Variants in TBC1D12 observed in about 807,000 individuals in gnomAD.
TBC1D12 encodes the protein TBC1 domain family, member 12.
TBC1D12 carries 56 observed loss-of-function variants against 86.7 expected under a neutral mutation model. The observed-to-expected ratio is 0.65, with a 90% CI of 0.52 to 0.81. The LOEUF (loss-of-function observed/expected upper bound fraction) is 0.81, where lower values mean the gene tolerates loss of function less well. Among genes scored for constraint, TBC1D12 ranks in the 30% least tolerant of loss-of-function variants. TBC1D12 has a pLI of 0.00. For missense variants in TBC1D12, 1,023 were observed against 1,038.8 expected (o/e 0.98, Z 0.21); for synonymous variants, 421 against 411.7 (o/e 1.02, Z -0.27).
intron 2 of TBC1D12, among the ~76,000 whole-genome samples, chr10:94,453,359 AT>A (rs1226324911): frequency 6.6e-6 from 1 of 152,148 alleles, no homozygotes; most frequent in Non-Finnish European, 1.5e-5. Flanking sequence ...TAAAATAAAA[AT>A]AAAAAATAAA....
At chr10:94,501,301 TAGTC>T (rs1161508444) in intron 6 of TBC1D12, 2 of 149,618 alleles carry the variant, frequency 1.3e-5, no homozygotes, top group South Asian at 2.1e-4. Context: ...TACGAAAAAT[TAGTC>T]AGACGTGGCA....
At chr10:94,470,796 A>G (rs191893913) in intron 2 of TBC1D12, among the ~76,000 whole-genome samples, 235 of 146,632 alleles carry the variant, frequency 1.6e-3, no homozygotes, top group Middle Eastern at 0.011. Context: ...TTCAGCAAAT[A>G]TTTAAGTTAT....
At chr10:94,439,105 C>T (rs1483316590) in intron 1 of TBC1D12, among the ~76,000 whole-genome samples, 1 of 152,090 alleles carries the variant, frequency 6.6e-6, no homozygotes, top group Non-Finnish European at 1.5e-5. Context: ...TGCCCCGCTC[C>T]AGTTACTCTT....
intron 4 of TBC1D12, among the ~76,000 whole-genome samples, chr10:94,494,701 G>A (rs558604046): frequency 1.8e-4 from 28 of 151,502 alleles, no homozygotes; most frequent in African/African-American, 5.8e-4. Flanking sequence ...GCACCACCAC[G>A]CCCAGTTAAT....
At chr10:94,414,821 A>G (rs1170341546) in intron 1 of TBC1D12, among the ~76,000 whole-genome samples, 2 of 152,120 alleles carry the variant, frequency 1.3e-5, no homozygotes, top group African/African-American at 4.8e-5. Context: ...GGCGGTCTCG[A>G]ACTCCTGACC....
intron 1 of TBC1D12, among the ~76,000 whole-genome samples, chr10:94,427,751 G>C (rs111684543): frequency 0.031 from 4,368 of 141,400 alleles, 106 homozygotes; most frequent in Middle Eastern, 0.16. Context: ...AGAATTGCTT[G>C]TACCTGGGAG....
intron 1 of TBC1D12, among the ~76,000 whole-genome samples, chr10:94,440,583 A>G (rs1440142877): frequency 5.9e-5 from 9 of 152,238 alleles, no homozygotes; most frequent in Non-Finnish European, 1.2e-4. Context: ...TTTAAGATAT[A>G]TTGATACGGC....
At chr10:94,480,917 T>G (rs2056068712) in intron 3 of TBC1D12, among the ~76,000 whole-genome samples, 1 of 151,704 alleles carries the variant, frequency 6.6e-6, no homozygotes, top group Non-Finnish European at 1.5e-5. Context: ...TACTTCTTGA[T>G]CCACAGGTTG....
intron 1 of TBC1D12, among the ~76,000 whole-genome samples, chr10:94,422,335 G>C (rs943281906): frequency 6.6e-6 from 1 of 151,532 alleles, no homozygotes; most frequent in Non-Finnish European, 1.5e-5. Flanking sequence ...GACTACAGGT[G>C]TGTGCCACCA....
intron 1 of TBC1D12, among the ~76,000 whole-genome samples, chr10:94,432,992 G>A (rs1396571640): frequency 1.3e-5 from 2 of 152,098 alleles, no homozygotes; most frequent in South Asian, 4.2e-4. Context: ...ATCACCTGAG[G>A]TCAGGAGTTC....
At position 94,520,724 on chromosome 10, in the gene TBC1D12, A is replaced by G. The variant is rs188806268; in HGVS notation, c.1762-1231A>G. ...ACCCAGTCTGGAGTGCAGTGGCGCA[A>G]TCTTGGCTTACTGCAAGCTCCGCCT... On this transcript the variant is annotated intron_variant, in intron 9 of 12. Transcript: ENST00000225235. Among the ~76,000 whole-genome samples the G allele has an allele frequency of 5.1e-4, 78 of 151,672 alleles. No homozygotes were observed. The East Asian group carries it at 0.014, about 27-fold the overall frequency.
chr10:94,460,200 A>G (rs1204526571), intron 2 of TBC1D12, among the ~76,000 whole-genome samples: 1 of 152,222 alleles, frequency 6.6e-6, no homozygotes, highest in Non-Finnish European at 1.5e-5. Flanking sequence ...AGATCACGCC[A>G]CTGCACTCCA....
Position 94,522,033 on chromosome 10 carries a change from C to A in TBC1D12, c.1840C>A (p.Leu614Ile), listed in dbSNP as rs777744600. ...AGATGCCTTTATCGCATTTGCCAAT[C>A]TCCTGAATAAGCCATGCCAGTTGGC... ...EADAFIAFAN[L>I]LNKPCQLAFF... Residue 614 changes from leucine to isoleucine, a missense_variant, in exon 10 of 13, where the codon CTC becomes ATC. Physicochemically the swap from Leu to Ile is conservative, Grantham distance 5 (BLOSUM62 2). Around this residue, in one of 2 missense-constraint regions of TBC1D12, gnomAD observed 395 missense variants for 507.7 expected, o/e 0.78. Transcript: ENST00000225235. 1 of 1,612,770 alleles carries A rather than the reference C, an allele frequency of 6.2e-7. No homozygotes were observed. The highest frequency in any genetic ancestry group is 8.5e-7 in the Non-Finnish European group (1 of 1,179,202).
At chr10:94,433,418 T>C (rs986253442) in intron 1 of TBC1D12, among the ~76,000 whole-genome samples, 2 of 152,132 alleles carry the variant, frequency 1.3e-5, no homozygotes, top group Non-Finnish European at 2.9e-5. Context: ...TGCACCTGGC[T>C]AATGCAAGAT....
Position 94,534,017 on chromosome 10 carries a change from T to A in TBC1D12, c.*921T>A, listed in dbSNP as rs1481025504. The A allele has an allele frequency of 1.3e-5, 2 of 152,236 alleles. No individual in the cohort carries two copies. Among genetic ancestry groups the A allele is most frequent in the African/African-American group, 4.8e-5 (2 of 41,470 alleles). The allele number at this position is 152,236 out of a possible 1,614,324, so 9.4% of individuals were successfully genotyped here. ...TTTTAGTTACAATTCTTCCACTGTT[T>A]AACTCCAGTTTGAAATTTGAAATCT... On this transcript the variant is annotated 3_prime_UTR_variant, in exon 13 of 13. Transcript: ENST00000225235.
intron 2 of TBC1D12, among the ~76,000 whole-genome samples, chr10:94,444,841 C>T (rs941642833): frequency 6.6e-6 from 1 of 151,102 alleles, no homozygotes; most frequent in Non-Finnish European, 1.5e-5. Context: ...ACGCCGTTCT[C>T]CTGCCTCAGC....
intron 6 of TBC1D12, among the ~76,000 whole-genome samples, chr10:94,501,649 C>T (rs998240615): frequency 1.5e-4 from 22 of 151,242 alleles, no homozygotes; most frequent in African/African-American, 4.1e-4. Context: ...CGGGTTCAAG[C>T]GATCCTCCTG....
intron 1 of TBC1D12, among the ~76,000 whole-genome samples, chr10:94,404,905 G>T (rs1389890707): frequency 6.6e-6 from 1 of 151,902 alleles, no homozygotes; most frequent in Non-Finnish European, 1.5e-5. Flanking sequence ...AAAATTAGCC[G>T]GGCATGTTGG....
intron 11 of TBC1D12, among the ~76,000 whole-genome samples, chr10:94,525,143 G>A (rs1842255071): frequency 6.6e-6 from 1 of 152,126 alleles, no homozygotes; most frequent in Non-Finnish European, 1.5e-5. Context: ...TGATTTTACT[G>A]AAGAGGAATA....
Sources: allele counts gnomAD v4.1 joint callset (sites outside exome capture counted in the v4.1 genomes callset), GRCh38; gene constraint gnomAD v4.1.1; regional missense constraint gnomAD v4.1.1; transcripts MANE v1.5; gene names NCBI Gene and HGNC (gene_info 2026-07-23, HGNC 2026-07-21).